Variants in CFAP299 observed in about 807,000 individuals in gnomAD.
CFAP299 encodes the protein cilia- and flagella-associated protein 299.
CFAP299 carries 21 observed loss-of-function variants against 27.0 expected under a neutral mutation model. That is an observed-to-expected ratio of 0.78 (90% CI 0.55 to 1.12). CFAP299 has a LOEUF of 1.12. Among genes scored for constraint, CFAP299 ranks in the 50% most tolerant of loss-of-function variants. The pLI is 0.00. For missense variants in CFAP299, 310 were observed against 276.6 expected (o/e 1.12, Z -0.86); for synonymous variants, 104 against 98.1 (o/e 1.06, Z -0.36).
chr4:80,566,468 T>A (rs924082656), intron 2 of CFAP299, among the ~76,000 whole-genome samples: 74 of 151,936 alleles, frequency 4.9e-4, no homozygotes, highest in African/African-American at 1.6e-3. Context: ...TGTTTTCCTC[T>A]GGTAAAGCGT....
chr4:80,756,569 CA>C (rs1725250539), intron 3 of CFAP299, among the ~76,000 whole-genome samples: 1 of 151,362 alleles, frequency 6.6e-6, no homozygotes, highest in Non-Finnish European at 1.5e-5. Flanking sequence ...TAAAAAAAAA[CA>C]AAAACAAAAG....
chr4:80,753,967 T>C (rs570325883), intron 3 of CFAP299, among the ~76,000 whole-genome samples: 1 of 152,334 alleles, frequency 6.6e-6, no homozygotes, highest in South Asian at 2.1e-4. Flanking sequence ...CACTGTTAGA[T>C]AGTTCAAACA....
At chr4:80,713,685 G>A (rs1722305404) in intron 3 of CFAP299, among the ~76,000 whole-genome samples, 1 of 152,206 alleles carries the variant, frequency 6.6e-6, no homozygotes, top group Non-Finnish European at 1.5e-5. Context: ...ACACAACTAA[G>A]CAGTGGGTGA....
intron 3 of CFAP299, among the ~76,000 whole-genome samples, chr4:80,654,229 T>G (rs1740447263): frequency 6.6e-6 from 1 of 152,132 alleles, no homozygotes; most frequent in African/African-American, 2.4e-5. Flanking sequence ...TTGCCTGTGT[T>G]CAAAATAGAT....
chr4:80,730,502 G>A (rs1723457216), intron 3 of CFAP299, among the ~76,000 whole-genome samples: 1 of 151,454 alleles, frequency 6.6e-6, no homozygotes, highest in South Asian at 2.1e-4. Flanking sequence ...GTGGCTGCTG[G>A]GCACAGTGGC....
At chr4:80,867,360 C>G (rs906059588) in intron 3 of CFAP299, among the ~76,000 whole-genome samples, 4 of 152,074 alleles carry the variant, frequency 2.6e-5, no homozygotes, top group African/African-American at 9.7e-5. Flanking sequence ...TATTGTGTTT[C>G]ATGATATATG....
rs914637440 is a variant in CFAP299 at position 80,426,451 on chromosome 4, A to G, written c.242+63567A>G. 2.6e-5 allele frequency among the ~76,000 whole-genome samples: 4 copies of G among 152,224 alleles called. No homozygotes were observed. The East Asian group carries it at 7.7e-4, about 29-fold the overall frequency. ...GTTCTTCATCCTCAAGAAAAAAGTA[A>G]ATCTACAAGCTAGAATACAGTGAAT... On this transcript the variant is annotated intron_variant, in intron 2 of 5. Coordinates refer to ENST00000358105, the MANE Select transcript of CFAP299 (RefSeq NM_152770.3).
intron 3 of CFAP299, among the ~76,000 whole-genome samples, chr4:80,762,996 C>T (rs74854139): frequency 0.053 from 8,103 of 152,170 alleles, 334 homozygotes; most frequent in East Asian, 0.22. Context: ...AAGAACATTC[C>T]CTAACAAATG....
At chr4:80,677,548 A>G (rs562926907) in intron 3 of CFAP299, among the ~76,000 whole-genome samples, 12 of 152,178 alleles carry the variant, frequency 7.9e-5, no homozygotes, top group Admixed American at 6.5e-4. Context: ...AAAGAAAAAA[A>G]TATATCAGTC....
intron 3 of CFAP299, among the ~76,000 whole-genome samples, chr4:80,866,059 T>TTTTTTATATATATA (rs886156357): frequency 2.2e-4 from 13 of 58,380 alleles, no homozygotes; most frequent in African/African-American, 4.6e-4. Context: ...ACTTAAAGTA[T>TTTTTTATATATATA]TATATATATA....
At chr4:80,361,267 A>G (rs1440018327) in intron 1 of CFAP299, among the ~76,000 whole-genome samples, 1 of 152,234 alleles carries the variant, frequency 6.6e-6, no homozygotes, top group Non-Finnish European at 1.5e-5. Context: ...TACAAAATTC[A>G]CTCAGTATTC....
At chr4:80,329,582 C>T in the CFAP299 span, among the ~76,000 whole-genome samples, 1 of 152,030 alleles carries the variant, frequency 6.6e-6, no homozygotes, top group Non-Finnish European at 1.5e-5. Context: ...AATCTGTAGC[C>T]AAAGAATATT....
At position 80,567,693 on chromosome 4, in the gene CFAP299, C is replaced by T. The variant is rs567992738; in HGVS notation, c.243-15400C>T. On this transcript the variant is annotated intron_variant, in intron 2 of 5. Coordinates refer to ENST00000358105, the MANE Select transcript of CFAP299 (RefSeq NM_152770.3). ...TTGTTCACTGGTTGCCATTTTCCTT[C>T]TATGCAATTTTCACTTAAAAATGCT... Among the ~76,000 whole-genome samples the T allele has an allele frequency of 6.0e-5, 9 of 150,758 alleles. 1 individual carries two copies. Among genetic ancestry groups the T allele is most frequent in the Admixed American group, 4.6e-4 (7 of 15,054 alleles).
At chr4:80,406,469 A>C (rs1389905060) in intron 2 of CFAP299, among the ~76,000 whole-genome samples, 1 of 152,116 alleles carries the variant, frequency 6.6e-6, no homozygotes, top group East Asian at 1.9e-4. Flanking sequence ...GCTGTAAGGA[A>C]TCCTTCCACC....
Position 80,393,197 on chromosome 4 carries a change from TA to T in CFAP299, c.242+30320del, listed in dbSNP as rs565816147. Among the ~76,000 whole-genome samples the T allele has an allele frequency of 8.7e-4, 133 of 152,244 alleles. 1 individual carries two copies. The highest frequency in any genetic ancestry group is 3.1e-3 in the African/African-American group (129 of 41,558). ...AAAAATGCCTATAGAATCAGGATATTAAAAAAAGAAAATATTTTATGCAATT... is the reference window on the plus strand; with the variant it reads ...AAAAATGCCTATAGAATCAGGATATTAAAAAAGAAAATATTTTATGCAATT... On this transcript the variant is annotated intron_variant, in intron 2 of 5. Transcript: ENST00000358105.
upstream of CFAP299, among the ~76,000 whole-genome samples, chr4:80,331,649 A>G (rs2109958207): frequency 6.6e-6 from 1 of 152,316 alleles, no homozygotes; most frequent in Non-Finnish European, 1.5e-5. Context: ...TGAACAACTG[A>G]GAGGAGAGGA....
chr4:80,538,847 A>G (rs1334081292), intron 2 of CFAP299, among the ~76,000 whole-genome samples: 1 of 152,192 alleles, frequency 6.6e-6, no homozygotes, highest in African/African-American at 2.4e-5. Flanking sequence ...ACTGTATTTC[A>G]TTAACCAAAA....
intron 3 of CFAP299, among the ~76,000 whole-genome samples, chr4:80,838,455 G>C (rs1324388080): frequency 6.6e-6 from 1 of 151,996 alleles, no homozygotes; most frequent in Non-Finnish European, 1.5e-5. Flanking sequence ...GTAAGATAGG[G>C]GTCCACTTTA....
chr4:80,442,620 A>T (rs965875083), intron 2 of CFAP299, among the ~76,000 whole-genome samples: 4 of 152,184 alleles, frequency 2.6e-5, no homozygotes, highest in Admixed American at 2.6e-4. Context: ...GTAACATCAC[A>T]ATTAAAAGTC....
Sources: allele counts gnomAD v4.1 joint callset (sites outside exome capture counted in the v4.1 genomes callset), GRCh38; gene constraint gnomAD v4.1.1; transcripts MANE v1.5; gene names NCBI Gene and HGNC (gene_info 2026-07-23, HGNC 2026-07-21).